The following CDH10 variants were observed in gnomAD, a reference collection of about 807,000 sequenced individuals.
The protein encoded by CDH10 is cadherin 10.
In CDH10, 30 loss-of-function variants were observed where a neutral mutation model predicts 73.1. The observed-to-expected ratio is 0.41, with a 90% CI of 0.31 to 0.56. The LOEUF (loss-of-function observed/expected upper bound fraction) is 0.56. Among genes scored for constraint, CDH10 ranks in the 20% least tolerant of loss-of-function variants. CDH10 has a pLI of 0.27. For missense variants in CDH10, 815 were observed against 973.7 expected, an observed-to-expected ratio of 0.84 and a Z score of 2.17; for synonymous variants, 345 against 348.2, an observed-to-expected ratio of 0.99 and a Z score of 0.10.
chr5:24,580,802 T>G (rs1745771910), intron 2 of CDH10, among the ~76,000 whole-genome samples: 1 of 152,208 alleles, frequency 6.6e-6, no homozygotes, highest in African/African-American at 2.4e-5. Flanking sequence ...TTCTGGAAGC[T>G]TCAAAGGAGA....
Position 24,537,607 on chromosome 5 carries a change from G to T in CDH10, c.299C>A (p.Thr100Asn), listed in dbSNP as rs758727580. 1 of 1,605,694 alleles carries T rather than the reference G, an allele frequency of 6.2e-7. No individual in the cohort carries two copies. Among genetic ancestry groups the T allele is most frequent in the South Asian group, 1.1e-5 (1 of 90,920 alleles). Residue 100 changes from threonine (T) to asparagine (N), a missense_variant, in exon 3 of 12, where the codon ACT becomes AAT. Coordinates refer to ENST00000264463, the MANE Select transcript of CDH10 (RefSeq NM_006727.5). ...KYILSGDGAG[T>N]LFIIDEKTGD... The stretch of plus-strand genomic sequence containing the variant: ...TGTTTTTTCATCAATAATAAAAAGA[G>T]TACCAGCTCCATCTCCAGATAAGAT...
chr5:24,548,745 C>G (rs1178568576), intron 2 of CDH10, among the ~76,000 whole-genome samples: 1 of 151,904 alleles, frequency 6.6e-6, no homozygotes. Flanking sequence ...AGAAAACTTT[C>G]CAGTAAAAAA....
chr5:24,500,974 C>T (rs1742474049), intron 8 of CDH10, among the ~76,000 whole-genome samples: 1 of 152,112 alleles, frequency 6.6e-6, no homozygotes, highest in South Asian at 2.1e-4. Context: ...TTCCTCTATG[C>T]CAGACCATTT....
chr5:24,502,206 G>A (rs1417204635), intron 8 of CDH10, among the ~76,000 whole-genome samples: 5 of 152,166 alleles, frequency 3.3e-5, no homozygotes, highest in East Asian at 1.9e-4. Flanking sequence ...ACAGGCGTGA[G>A]CCACCGCGCC....
chr5:24,548,925 C>A (rs1247330663), intron 2 of CDH10, among the ~76,000 whole-genome samples: 1 of 151,770 alleles, frequency 6.6e-6, no homozygotes, highest in East Asian at 1.9e-4. Context: ...TGAAAAATAG[C>A]TATATTTAAT....
chr5:24,561,057 A>G (rs1280904409), intron 2 of CDH10, among the ~76,000 whole-genome samples: 1 of 152,150 alleles, frequency 6.6e-6, no homozygotes, highest in Admixed American at 6.5e-5. Context: ...TGAGTAGATT[A>G]GAAATTCAGT....
chr5:24,544,815 C>A (rs1407621673), intron 2 of CDH10, among the ~76,000 whole-genome samples: 1 of 152,136 alleles, frequency 6.6e-6, no homozygotes, highest in Non-Finnish European at 1.5e-5. Flanking sequence ...AAAAATGTTG[C>A]TATGTCACTT....
chr5:24,603,085 C>A (rs1746624255), intron 1 of CDH10, among the ~76,000 whole-genome samples: 1 of 152,080 alleles, frequency 6.6e-6, no homozygotes, highest in East Asian at 1.9e-4. Context: ...TAAGAGGAAT[C>A]AGACAGCCAC....
intron 1 of CDH10, among the ~76,000 whole-genome samples, chr5:24,632,363 C>A (rs1747732035): frequency 6.6e-6 from 1 of 151,752 alleles, no homozygotes; most frequent in Non-Finnish European, 1.5e-5. Flanking sequence ...TCTGTTTCCC[C>A]TTTGAAGTTG....
chr5:24,643,968 C>T (rs557080270), intron 1 of CDH10, among the ~76,000 whole-genome samples: 2 of 152,230 alleles, frequency 1.3e-5, no homozygotes, highest in East Asian at 3.9e-4. Context: ...TACCTCTCTC[C>T]CCCCAATACT....
rs561383095 is a variant in CDH10, at chr5:24,537,217, A to T, written c.526+163T>A. Among the ~76,000 whole-genome samples, 4 of 151,800 alleles carry T rather than the reference A, an allele frequency of 2.6e-5. No homozygotes were observed. The East Asian group carries it at 7.8e-4, about 30-fold the overall frequency. On this transcript the variant is annotated intron_variant, in intron 3 of 11. Coordinates refer to ENST00000264463, the MANE Select transcript of CDH10 (RefSeq NM_006727.5). ...TCTGTAGGAAGTGTAAATTGCATTG[A>T]TCTTTTTTTTTCTGATTGTCTCCTA...
chr5:24,528,503 G>T (rs13154399), intron 5 of CDH10, among the ~76,000 whole-genome samples: 38,397 of 151,736 alleles, frequency 0.25, 5,371 homozygotes, highest in Admixed American at 0.3. Flanking sequence ...CTGAACGTAC[G>T]TGTCTTAAAT....
chr5:24,598,875 C>T (rs991508941), intron 1 of CDH10, among the ~76,000 whole-genome samples: 1 of 152,096 alleles, frequency 6.6e-6, no homozygotes, highest in Non-Finnish European at 1.5e-5. Flanking sequence ...GTGCTAACAT[C>T]TTTATGTGAT....
chr5:24,496,470 T>C (rs1182108975), intron 9 of CDH10, among the ~76,000 whole-genome samples: 3 of 152,092 alleles, frequency 2.0e-5, no homozygotes. Context: ...GGACTACTAA[T>C]ATTACATCAG....
intron 1 of CDH10, 92 bp from the exon 2 acceptor site, chr5:24,593,705 TAAC>T (rs886071339): frequency 1.7e-5 from 9 of 514,964 alleles, no homozygotes; most frequent in Admixed American, 7.5e-5. Context: ...AGTTTATTAA[TAAC>T]AACCAAAACA....
At chr5:24,512,319 A>C (rs1291897575) in intron 5 of CDH10, among the ~76,000 whole-genome samples, 1 of 152,126 alleles carries the variant, frequency 6.6e-6, no homozygotes, top group African/African-American at 2.4e-5. Flanking sequence ...GTATTTTTTC[A>C]TTGCGTAGAT....
At chr5:24,633,076 T>G (rs1561206944) in intron 1 of CDH10, among the ~76,000 whole-genome samples, 1 of 150,366 alleles carries the variant, frequency 6.7e-6, no homozygotes, top group Non-Finnish European at 1.5e-5. Flanking sequence ...ACAATTTATT[T>G]TGATCAAATT....
intron 6 of CDH10, among the ~76,000 whole-genome samples, chr5:24,510,063 A>G (rs1170222080): frequency 6.6e-6 from 1 of 152,196 alleles, no homozygotes; most frequent in African/African-American, 2.4e-5. Flanking sequence ...ACCTTGGAAA[A>G]ATTGGGATGG....
intron 2 of CDH10, among the ~76,000 whole-genome samples, chr5:24,562,317 C>T (rs1382338144): frequency 1.3e-5 from 2 of 152,018 alleles, no homozygotes; most frequent in East Asian, 1.9e-4. Flanking sequence ...TTATCTCCCC[C>T]TCCTGTACTT....
Sources: allele counts gnomAD v4.1 joint callset (sites outside exome capture counted in the v4.1 genomes callset), GRCh38; gene constraint gnomAD v4.1.1; transcripts MANE v1.5; gene names NCBI Gene and HGNC (gene_info 2026-07-23, HGNC 2026-07-21).